SORCS2: variants seen among roughly 807,000 people sequenced by gnomAD.
SORCS2 encodes the protein sortilin related VPS10 domain containing receptor 2, also known as VPS10 domain-containing receptor SorCS2.
SORCS2 carries 100 observed loss-of-function variants against 141.6 expected under a neutral mutation model. That is an observed-to-expected ratio of 0.71 (90% CI 0.60 to 0.83). SORCS2 has a LOEUF of 0.83. SORCS2 is among the 40% of genes least tolerant of loss of function. SORCS2 has a pLI of 0.00. For missense variants in SORCS2, 1,646 were observed against 1,560.2 expected, an observed-to-expected ratio of 1.05 and a Z score of -0.93; for synonymous variants, 789 against 676.9, an observed-to-expected ratio of 1.17 and a Z score of -2.57.
intron 2 of SORCS2, among the ~76,000 whole-genome samples, chr4:7,491,081 A>G (rs1731289509): frequency 6.6e-6 from 1 of 151,788 alleles, no homozygotes; most frequent in Non-Finnish European, 1.5e-5. Flanking sequence ...TGGGACATAA[A>G]CCATATCCAC....
chr4:7,513,000 GT>G (rs1732758085), intron 2 of SORCS2, among the ~76,000 whole-genome samples: 1 of 152,136 alleles, frequency 6.6e-6, no homozygotes, highest in African/African-American at 2.4e-5. Context: ...CCACATCATT[GT>G]TCCTGGAATA....
At chr4:7,411,820 G>A (rs1725340907) in intron 2 of SORCS2, among the ~76,000 whole-genome samples, 1 of 152,158 alleles carries the variant, frequency 6.6e-6, no homozygotes, top group Non-Finnish European at 1.5e-5. Context: ...TGGAGCAGAG[G>A]AAGTGGTAGT....
chr4:7,635,589 G>T (rs913329047), intron 3 of SORCS2, among the ~76,000 whole-genome samples: 1 of 152,122 alleles, frequency 6.6e-6, no homozygotes, highest in African/African-American at 2.4e-5. Context: ...TACAGTAAGC[G>T]TACTTCCTTG....
chr4:7,468,913 C>T (rs777885592), intron 2 of SORCS2, among the ~76,000 whole-genome samples: 2 of 152,162 alleles, frequency 1.3e-5, no homozygotes, highest in Non-Finnish European at 2.9e-5. Flanking sequence ...ATCTGGTGGC[C>T]GTGTGACCTT....
chr4:7,372,295 A>G (rs1048320116), intron 1 of SORCS2, among the ~76,000 whole-genome samples: 1 of 152,122 alleles, frequency 6.6e-6, no homozygotes, highest in Non-Finnish European at 1.5e-5. Flanking sequence ...ACATGTAGTA[A>G]AATTCACTTT....
In SORCS2 at chr4:7,253,683, G is replaced by A. The variant is rs55771475; in HGVS notation, c.480+60557G>A. The stretch of plus-strand genomic sequence containing the variant: ...GCATGAGCCAGGCTGTGAAGGCAGT[G>A]CTCTATGGTGAGAGGTGCCCAGCTC... On this transcript the variant is annotated intron_variant, in intron 1 of 26. Coordinates refer to ENST00000507866, the MANE Select transcript of SORCS2 (RefSeq NM_020777.3). Among the ~76,000 whole-genome samples the A allele has an allele frequency of 6.0e-3, 907 of 152,364 alleles. 13 individuals carry two copies. Among genetic ancestry groups the A allele is most frequent in the African/African-American group, 0.02 (834 of 41,582 alleles).
chr4:7,604,774 G>C (rs1717955068), intron 3 of SORCS2, among the ~76,000 whole-genome samples: 1 of 152,082 alleles, frequency 6.6e-6, no homozygotes, highest in African/African-American at 2.4e-5. Flanking sequence ...TAAATTACCT[G>C]GTCTCGGGTA....
At chr4:7,545,810 C>A (rs1277263618) in intron 3 of SORCS2, among the ~76,000 whole-genome samples, 1 of 152,244 alleles carries the variant, frequency 6.6e-6, no homozygotes, top group Admixed American at 6.5e-5. Flanking sequence ...GCACGCTCTG[C>A]CTCCGTCAGC....
chr4:7,399,570 C>T (rs1724438445), intron 2 of SORCS2, among the ~76,000 whole-genome samples: 1 of 152,124 alleles, frequency 6.6e-6, no homozygotes, highest in Admixed American at 6.5e-5. Flanking sequence ...GTCTCCTGCT[C>T]AATCTCAGGC....
chr4:7,381,201 T>C (rs1722975193), intron 1 of SORCS2, among the ~76,000 whole-genome samples: 1 of 152,146 alleles, frequency 6.6e-6, no homozygotes, highest in South Asian at 2.1e-4. Flanking sequence ...GATATTGGGT[T>C]TCTTGAGCTG....
intron 1 of SORCS2, among the ~76,000 whole-genome samples, chr4:7,307,974 T>C (rs532800517): frequency 6.6e-6 from 1 of 152,254 alleles, no homozygotes; most frequent in African/African-American, 2.4e-5. Flanking sequence ...TGAGTGTGTG[T>C]GCGCAGGCCT....
chr4:7,390,575 G>A lies in SORCS2; in HGVS notation c.481-5713G>A, dbSNP rs145328792. On this transcript the variant is annotated intron_variant, in intron 1 of 26. Transcript: ENST00000507866. ...CAAAGGGATTATTGCGCGTCTCTCC[G>A]TAAGGAGCTTGTACCCGGGGCCATT... Among the ~76,000 whole-genome samples, 693 of 152,320 alleles carry A rather than the reference G, an allele frequency of 4.5e-3. 5 individuals carry two copies. Among genetic ancestry groups the A allele is most frequent in the Middle Eastern group, 0.027 (8 of 294 alleles).
intron 1 of SORCS2, among the ~76,000 whole-genome samples, chr4:7,329,123 T>C (rs1161376791): frequency 6.6e-6 from 1 of 152,172 alleles, no homozygotes; most frequent in African/African-American, 2.4e-5. Context: ...TCCACAGGCA[T>C]TCTCCAAGTC....
intron 2 of SORCS2, among the ~76,000 whole-genome samples, chr4:7,501,484 A>G (rs959542295): frequency 1.3e-5 from 2 of 150,304 alleles, no homozygotes; most frequent in Non-Finnish European, 2.9e-5. Context: ...TTGATGATCC[A>G]GTTCCAGGGC....
At chr4:7,671,396 C>G (rs973836123) in intron 8 of SORCS2, among the ~76,000 whole-genome samples, 6 of 151,780 alleles carry the variant, frequency 4.0e-5, no homozygotes, top group African/African-American at 1.2e-4. Flanking sequence ...GATGGCAGAT[C>G]TACTAGACAA....
intron 1 of SORCS2, among the ~76,000 whole-genome samples, chr4:7,292,230 C>T (rs961043280): frequency 2.7e-5 from 4 of 150,562 alleles, no homozygotes; most frequent in Admixed American, 6.6e-5. Context: ...ATTCGCAGTC[C>T]GTTCACCAAG....
chr4:7,337,985 C>G (rs1439596127), intron 1 of SORCS2, among the ~76,000 whole-genome samples: 2 of 152,234 alleles, frequency 1.3e-5, no homozygotes, highest in Admixed American at 6.5e-5. Flanking sequence ...GATGCCCTAA[C>G]CCTACTGTTG....
intron 1 of SORCS2, among the ~76,000 whole-genome samples, chr4:7,197,775 C>T (rs187680699): frequency 2.4e-4 from 36 of 152,266 alleles, no homozygotes; most frequent in African/African-American, 6.0e-4. Context: ...GAGTCCGTGT[C>T]GCAGTGACGA....
chr4:7,445,913 G>A (rs1727962816), intron 2 of SORCS2, among the ~76,000 whole-genome samples: 1 of 152,158 alleles, frequency 6.6e-6, no homozygotes, highest in African/African-American at 2.4e-5. Context: ...ATGGGGGACA[G>A]GTGCTCACCT....
Sources: allele counts gnomAD v4.1 joint callset (sites outside exome capture counted in the v4.1 genomes callset), GRCh38; gene constraint gnomAD v4.1.1; transcripts MANE v1.5; gene names NCBI Gene and HGNC (gene_info 2026-07-23, HGNC 2026-07-21).